Variants in PIWIL2 observed in about 807,000 individuals in gnomAD.
The protein encoded by PIWIL2 is piwi like RNA-mediated gene silencing 2.
In PIWIL2, 81 loss-of-function variants were observed where a neutral mutation model predicts 116.5. That is an observed-to-expected ratio of 0.70 (90% CI 0.58 to 0.84). PIWIL2 has a LOEUF of 0.84. Ranked by LOEUF, PIWIL2 falls within the 40% of genes least tolerant of loss-of-function variation. The pLI is 0.00. For synonymous variants in PIWIL2, 489 were observed against 429.5 expected (o/e 1.14, Z -1.71); for missense variants, 1,272 against 1,212.3 (o/e 1.05, Z -0.73).
chr8:22,287,174 G>A (rs770750903), intron 6 of PIWIL2, among the ~76,000 whole-genome samples: 1 of 152,198 alleles, frequency 6.6e-6, no homozygotes, highest in African/African-American at 2.4e-5. Flanking sequence ...TTGAACTTGG[G>A]AGGTGGAGAT....
chr8:22,327,976 A>G, intron 20 of PIWIL2, among the ~76,000 whole-genome samples: 1 of 152,038 alleles, frequency 6.6e-6, no homozygotes, highest in Non-Finnish European at 1.5e-5. Flanking sequence ...TATCTATTGT[A>G]TCTTTTGTTC....
At chr8:22,333,142 G>A (rs1378675989) in intron 20 of PIWIL2, among the ~76,000 whole-genome samples, 1 of 151,822 alleles carries the variant, frequency 6.6e-6, no homozygotes, top group Non-Finnish European at 1.5e-5. Context: ...TACTCTCTAG[G>A]GTAACTACGA....
At chr8:22,323,141 A>ATG (rs1367341771) in intron 20 of PIWIL2, among the ~76,000 whole-genome samples, 1 of 81,936 alleles carries the variant, frequency 1.2e-5, no homozygotes, top group East Asian at 5.8e-4. Context: ...GATAGTCTTG[A>ATG]TCTTTTTTTT....
At chr8:22,289,538 T>G (rs1830709103) in intron 8 of PIWIL2, among the ~76,000 whole-genome samples, 1 of 152,316 alleles carries the variant, frequency 6.6e-6, no homozygotes, top group Admixed American at 6.5e-5. Context: ...CACTTAGCAA[T>G]GGGCTGTCTT....
At chr8:22,299,314 G>A (rs7009766) in intron 10 of PIWIL2, among the ~76,000 whole-genome samples, 9,236 of 151,612 alleles carry the variant, frequency 0.061, 351 homozygotes, top group Admixed American at 0.091. Flanking sequence ...GGGTTCAAGC[G>A]ATTCTCCTGC....
intron 20 of PIWIL2, among the ~76,000 whole-genome samples, chr8:22,326,135 A>C (rs887830089): frequency 6.6e-6 from 1 of 150,498 alleles, no homozygotes; most frequent in Non-Finnish European, 1.5e-5. Flanking sequence ...TGGGATATCC[A>C]CTCCCAGAGT....
chr8:22,309,987 A>G lies in PIWIL2; in HGVS notation c.1713A>G (p.Glu571=). Residue 571 remains glutamate (E), a synonymous_variant, in exon 15 of 23, where the codon GAA becomes GAG. Transcript: ENST00000356766. The part of the protein sequence containing the change: ...HKIEGRVLPM[E]RINLKNTSFI... Reference sequence around the variant, plus strand: ...TTGAAGGACGTGTTCTGCCAATGGAAAGAATTAACTTAAAAAATACTTCGT... The same window carrying G: ...TTGAAGGACGTGTTCTGCCAATGGAGAGAATTAACTTAAAAAATACTTCGT... 1 of 1,608,852 alleles carries G rather than the reference A, an allele frequency of 6.2e-7. No individual in the cohort carries two copies. The highest frequency in any genetic ancestry group is 8.5e-7 in the Non-Finnish European group (1 of 1,175,242).
chr8:22,314,292 C>A, intron 16 of PIWIL2, 36 bp from the exon 17 acceptor site: 1 of 1,188,666 alleles, frequency 8.4e-7, no homozygotes, highest in Non-Finnish European at 1.2e-6. Context: ...CCAGAGAATT[C>A]CACAGCCTGA....
At chr8:22,316,106 T>C (rs1366924131) in intron 18 of PIWIL2, 139 bp from the exon 19 acceptor site, 3 of 585,368 alleles carry the variant, frequency 5.1e-6, no homozygotes, top group African/African-American at 1.9e-5. Flanking sequence ...TTGATTGTCT[T>C]TTTTTTTTCT....
At chr8:22,352,387 A>C (rs556584151) in intron 20 of PIWIL2, among the ~76,000 whole-genome samples, 2 of 152,330 alleles carry the variant, frequency 1.3e-5, no homozygotes, top group South Asian at 4.1e-4. Context: ...CTGTTTGCTA[A>C]TTACTTAGTT....
At chr8:22,292,905 A>G (rs1437296896) in intron 10 of PIWIL2, among the ~76,000 whole-genome samples, 4 of 152,176 alleles carry the variant, frequency 2.6e-5, no homozygotes, top group African/African-American at 9.6e-5. Flanking sequence ...GTGGCATGGA[A>G]CTTCAGCATG....
chr8:22,349,677 GAGTT>G (rs1371539099), intron 20 of PIWIL2, among the ~76,000 whole-genome samples: 1 of 152,048 alleles, frequency 6.6e-6, no homozygotes, highest in East Asian at 1.9e-4. Context: ...TTAACACAGC[GAGTT>G]AGTTAGGAGT....
At chr8:22,317,665 A>T (rs560209162) in intron 19 of PIWIL2, among the ~76,000 whole-genome samples, 77 of 149,936 alleles carry the variant, frequency 5.1e-4, no homozygotes, top group African/African-American at 1.6e-3. Flanking sequence ...TTATTTATTT[A>T]TTTATTTTTT....
At chr8:22,303,173 C>T (rs1831091613) in intron 10 of PIWIL2, among the ~76,000 whole-genome samples, 1 of 152,076 alleles carries the variant, frequency 6.6e-6, no homozygotes. Flanking sequence ...TGGTGACATG[C>T]AACAGTTTGG....
chr8:22,284,412 G>T, intron 6 of PIWIL2, 140 bp downstream of exon 6: 1 of 479,702 alleles, frequency 2.1e-6, no homozygotes, highest in South Asian at 3.7e-5. Flanking sequence ...GATCCTTACA[G>T]GAAGTTTAAG....
chr8:22,307,168 C>A (rs1831202827), intron 13 of PIWIL2, among the ~76,000 whole-genome samples: 1 of 152,000 alleles, frequency 6.6e-6, no homozygotes, highest in African/African-American at 2.4e-5. Context: ...ACATTTTTTC[C>A]CAAATTTTAT....
intron 20 of PIWIL2, 42 bp from the exon 21 acceptor site, chr8:22,352,917 C>CTT: frequency 6.3e-7 from 1 of 1,581,888 alleles, no homozygotes; most frequent in East Asian, 2.2e-5. Flanking sequence ...GGTCCGTAGC[C>CTT]TGAGGGCTCT....
chr8:22,310,847 T>G (rs1831311745), intron 15 of PIWIL2, among the ~76,000 whole-genome samples: 1 of 152,226 alleles, frequency 6.6e-6, no homozygotes, highest in Admixed American at 6.5e-5. Flanking sequence ...TGTGTCTGGC[T>G]TCTTTTCTTA....
At chr8:22,281,032 T>C in intron 2 of PIWIL2, 88 bp from the exon 3 acceptor site, 1 of 747,646 alleles carries the variant, frequency 1.3e-6, no homozygotes. Flanking sequence ...AATTTGAAGA[T>C]GATTTTATTA....
Sources: allele counts gnomAD v4.1 joint callset (sites outside exome capture counted in the v4.1 genomes callset), GRCh38; gene constraint gnomAD v4.1.1; transcripts MANE v1.5; gene names NCBI Gene and HGNC (gene_info 2026-07-23, HGNC 2026-07-21).